NKAIN2: variants seen among roughly 807,000 people sequenced by gnomAD.
The protein encoded by NKAIN2 is sodium/potassium transporting ATPase interacting 2, also known as sodium/potassium-transporting ATPase subunit beta-1-interacting protein 2.
A neutral mutation model predicts 32.6 loss-of-function variants in NKAIN2; 14 were observed. The observed-to-expected ratio is 0.43, with a 90% CI of 0.28 to 0.67. NKAIN2 has a LOEUF of 0.67. Among genes scored for constraint, NKAIN2 ranks in the 30% least tolerant of loss-of-function variants. The pLI, the probability that NKAIN2 is intolerant of heterozygous loss-of-function variation, is 0.17. For synonymous variants in NKAIN2, 80 were observed against 87.2 expected (o/e 0.92, Z 0.46); for missense variants, 198 against 258.3 (o/e 0.77, Z 1.60).
At chr6:124,196,091 G>A (rs1790301449) in intron 1 of NKAIN2, among the ~76,000 whole-genome samples, 1 of 152,010 alleles carries the variant, frequency 6.6e-6, no homozygotes, top group African/African-American at 2.4e-5. Flanking sequence ...ACAAACTAGT[G>A]ATTATACCTC....
chr6:123,888,611 A>G (rs895089371), intron 1 of NKAIN2, among the ~76,000 whole-genome samples: 8 of 152,134 alleles, frequency 5.3e-5, no homozygotes, highest in Admixed American at 1.3e-4. Flanking sequence ...AATCAATATT[A>G]AAGTTCCTAT....
chr6:124,114,952 G>A (rs146072187), intron 1 of NKAIN2, among the ~76,000 whole-genome samples: 469 of 152,192 alleles, frequency 3.1e-3, no homozygotes, highest in Non-Finnish European at 4.5e-3. Context: ...AGGAAGAAAG[G>A]AATTTAAGAG....
At position 124,604,365 on chromosome 6, in the gene NKAIN2, G is replaced by T. The variant is rs891159741; in HGVS notation, c.274-53821G>T. Reference sequence around the variant, plus strand: ...CTTAGCTTATTTGCTATTTTAATAGGTGTCAAAAACATCTGCTAATTTATG... The same window carrying T: ...CTTAGCTTATTTGCTATTTTAATAGTTGTCAAAAACATCTGCTAATTTATG... On this transcript the variant is annotated intron_variant, in intron 3 of 6. Transcript: ENST00000368417. 3.3e-5 allele frequency among the ~76,000 whole-genome samples: 5 copies of T among 151,826 alleles called. No individual in the cohort carries two copies. The East Asian group carries it at 9.6e-4, about 29-fold the overall frequency.
At chr6:124,346,404 T>G (rs1798426112) in intron 2 of NKAIN2, among the ~76,000 whole-genome samples, 1 of 152,180 alleles carries the variant, frequency 6.6e-6, no homozygotes, top group South Asian at 2.1e-4. Flanking sequence ...ACTTTCCGTC[T>G]CATTGATCTG....
chr6:124,578,836 C>T lies in NKAIN2; in HGVS notation c.274-79350C>T, dbSNP rs150955472. Among the ~76,000 whole-genome samples, 356 of 152,128 alleles carry T rather than the reference C, an allele frequency of 2.3e-3. 1 individual carries two copies. Among genetic ancestry groups the T allele is most frequent in the African/African-American group, 8.1e-3 (338 of 41,512 alleles). Reference sequence around the variant, plus strand: ...AGAGGGTGCTTTTGTCACCCCTCCCCCAGCTCCAGGCAGCTCAGCGCAGAA... The same window carrying T: ...AGAGGGTGCTTTTGTCACCCCTCCCTCAGCTCCAGGCAGCTCAGCGCAGAA... On this transcript the variant is annotated intron_variant, in intron 3 of 6. Coordinates refer to ENST00000368417, the MANE Select transcript of NKAIN2 (RefSeq NM_001040214.3).
chr6:124,005,060 A>T (rs1780022465), intron 1 of NKAIN2, among the ~76,000 whole-genome samples: 1 of 152,058 alleles, frequency 6.6e-6, no homozygotes, highest in East Asian at 1.9e-4. Context: ...CCCTGTCTTT[A>T]CTAAAAATAC....
At chr6:124,806,877 C>G (rs1562394910) in intron 5 of NKAIN2, among the ~76,000 whole-genome samples, 3 of 151,998 alleles carry the variant, frequency 2.0e-5, no homozygotes, top group Non-Finnish European at 4.4e-5. Context: ...CAACAAAGAT[C>G]AAAAGAGACA....
At chr6:124,233,569 C>T (rs1383036491) in intron 1 of NKAIN2, among the ~76,000 whole-genome samples, 1 of 152,182 alleles carries the variant, frequency 6.6e-6, no homozygotes, top group Non-Finnish European at 1.5e-5. Flanking sequence ...TCCTCAAATT[C>T]ACTCTCACAT....
intron 4 of NKAIN2, among the ~76,000 whole-genome samples, chr6:124,685,604 T>A (rs534835368): frequency 1.4e-4 from 22 of 152,198 alleles, no homozygotes; most frequent in Non-Finnish European, 1.9e-4. Context: ...ATGAAAAAAA[T>A]TCTATATTGG....
chr6:124,494,599 A>T (rs1404811401), intron 3 of NKAIN2, among the ~76,000 whole-genome samples: 1 of 152,158 alleles, frequency 6.6e-6, no homozygotes, highest in Non-Finnish European at 1.5e-5. Context: ...ATCATAACAG[A>T]TAAATGATAA....
intron 4 of NKAIN2, among the ~76,000 whole-genome samples, chr6:124,704,419 T>C (rs1583678264): frequency 6.6e-6 from 1 of 152,058 alleles, no homozygotes; most frequent in African/African-American, 2.4e-5. Context: ...ACAATTAAAA[T>C]CCCACAGGTA....
chr6:124,651,151 A>G (rs1304156453), intron 3 of NKAIN2, among the ~76,000 whole-genome samples: 2 of 151,044 alleles, frequency 1.3e-5, no homozygotes, highest in African/African-American at 5.0e-5. Flanking sequence ...TTTTGACCCT[A>G]TGTCCCATCT....
intron 1 of NKAIN2, among the ~76,000 whole-genome samples, chr6:124,025,715 G>A (rs1302057737): frequency 6.6e-6 from 1 of 152,160 alleles, no homozygotes; most frequent in Non-Finnish European, 1.5e-5. Context: ...AAGTGTGTGA[G>A]GTGATGGATA....
intron 3 of NKAIN2, among the ~76,000 whole-genome samples, chr6:124,532,912 A>G (rs1779577736): frequency 6.6e-6 from 1 of 152,284 alleles, no homozygotes; most frequent in African/African-American, 2.4e-5. Flanking sequence ...AAAAGTTGGG[A>G]ACTATATGTG....
chr6:124,023,011 G>C (rs1352483386), intron 1 of NKAIN2, among the ~76,000 whole-genome samples: 1 of 151,556 alleles, frequency 6.6e-6, no homozygotes, highest in Non-Finnish European at 1.5e-5. Flanking sequence ...TTCGGTTAAA[G>C]ATTATAGACA....
At chr6:123,932,315 A>G (rs146665180) in intron 1 of NKAIN2, among the ~76,000 whole-genome samples, 2 of 151,858 alleles carry the variant, frequency 1.3e-5, no homozygotes, top group Admixed American at 6.6e-5. Context: ...TGCAGCATCC[A>G]GTAGGTCAAT....
At chr6:124,486,997 G>C (rs1308701851) in intron 3 of NKAIN2, among the ~76,000 whole-genome samples, 1 of 152,126 alleles carries the variant, frequency 6.6e-6, no homozygotes, top group East Asian at 1.9e-4. Flanking sequence ...TGGGTTAAAA[G>C]ATTCACCAGG....
intron 1 of NKAIN2, among the ~76,000 whole-genome samples, chr6:124,069,281 CT>C (rs1211502524): frequency 1.3e-5 from 2 of 152,186 alleles, no homozygotes; most frequent in East Asian, 3.9e-4. Context: ...GAGCAGTCAC[CT>C]AGCAAGAGTT....
chr6:124,779,448 T>G (rs997302309), intron 4 of NKAIN2, among the ~76,000 whole-genome samples: 1 of 152,028 alleles, frequency 6.6e-6, no homozygotes, highest in African/African-American at 2.4e-5. Context: ...TGGTTCAAGA[T>G]ATAAGATTGG....
Sources: gnomAD v4.1 joint callset for allele counts (sites outside exome capture counted in the v4.1 genomes callset) on GRCh38, gnomAD v4.1.1 for gene constraint, MANE v1.5 for transcripts, NCBI Gene and HGNC (gene_info 2026-07-23, HGNC 2026-07-21) for gene names.